Variants in MAPK6 observed in about 807,000 individuals in gnomAD.
MAPK6 encodes ERK-3.
In MAPK6, 19 loss-of-function variants were observed where a neutral mutation model predicts 59.3. The ratio of observed to expected loss-of-function variants is 0.32; its 90% CI spans 0.22 to 0.47. MAPK6 has a LOEUF of 0.47. MAPK6 is among the 20% of genes least tolerant of loss of function. The pLI is 1.00. For synonymous variants in MAPK6, 316 were observed against 290.3 expected (o/e 1.09, Z -0.90); for missense variants, 724 against 847.9 (o/e 0.85, Z 1.81).
chr15:51,974,731 C>A (rs371324125), intron 1 of MAPK6, among the ~76,000 whole-genome samples: 13 of 150,544 alleles, frequency 8.6e-5, no homozygotes, highest in Non-Finnish European at 1.6e-4. Context: ...TTTTTCCCCC[C>A]CCGCAAGACA....
chr15:52,058,126 T>G (rs186648336), intron 3 of MAPK6, among the ~76,000 whole-genome samples: 10 of 151,350 alleles, frequency 6.6e-5, no homozygotes, highest in African/African-American at 2.5e-4. Flanking sequence ...ACCACCTATT[T>G]AGCCTAAAGT....
At chr15:52,049,351 ATTTTTTTTTT>A (rs60965378) in intron 2 of MAPK6, among the ~76,000 whole-genome samples, 1 of 109,736 alleles carries the variant, frequency 9.1e-6, no homozygotes, top group Non-Finnish European at 1.8e-5. Context: ...GAGTTATATA[ATTTTTTTTTT>A]TTTTTTTTTT....
intron 1 of MAPK6, among the ~76,000 whole-genome samples, chr15:52,029,922 A>G (rs2030963347): frequency 6.6e-6 from 1 of 152,192 alleles, no homozygotes; most frequent in Non-Finnish European, 1.5e-5. Context: ...CAGAAATGTA[A>G]ATGAAATAAT....
intron 1 of MAPK6, among the ~76,000 whole-genome samples, chr15:52,028,144 G>A (rs891684677): frequency 2.6e-5 from 4 of 151,942 alleles, no homozygotes; most frequent in Admixed American, 6.6e-5. Flanking sequence ...AGTAGAGACA[G>A]GGTTTCACCG....
chr15:52,050,721 T>C (rs1689422407), intron 3 of MAPK6, among the ~76,000 whole-genome samples: 1 of 152,230 alleles, frequency 6.6e-6, no homozygotes, highest in Non-Finnish European at 1.5e-5. Flanking sequence ...GAAGGCATTA[T>C]GGAGTCAAAC....
At position 52,066,273 on chromosome 15, in the gene MAPK6, T is replaced by C. The variant is rs1428184451; in HGVS notation, c.*1273T>C. 4 of 152,250 alleles carry C rather than the reference T, an allele frequency of 2.6e-5. No homozygotes were observed. The highest frequency in any genetic ancestry group is 2.6e-4 in the Admixed American group (4 of 15,280). The allele number at this position is 152,250 out of a possible 1,614,324, so 9.4% of individuals were successfully genotyped here. A position where few individuals can be genotyped will look rare whatever the true frequency, so the allele number is the denominator to read the frequency against. ...ACATGGCCAGCAAATACAGCTCCTGTTTCACTCTTGGGTTAATGAAAATTT... is the reference window on the plus strand; with the variant it reads ...ACATGGCCAGCAAATACAGCTCCTGCTTCACTCTTGGGTTAATGAAAATTT... On this transcript the variant is annotated 3_prime_UTR_variant, in exon 6 of 6. Transcript: ENST00000261845.
chr15:51,971,909 A>G (rs1004020549), intron 1 of MAPK6: 6 of 687,542 alleles, frequency 8.7e-6, no homozygotes, highest in African/African-American at 1.8e-5. Flanking sequence ...TCGCCTGGGT[A>G]TGCATGGTAT....
At chr15:52,018,447 ATGCTGACC>A (rs2030344625), upstream of MAPK6, among the ~76,000 whole-genome samples, 1 of 152,234 alleles carries the variant, frequency 6.6e-6, no homozygotes, top group Non-Finnish European at 1.5e-5. Flanking sequence ...TTGAAAAAAT[ATGCTGACC>A]TGCGTCTCTA....
At chr15:52,004,716 A>G (rs1415303132) in intron 3 of MAPK6, among the ~76,000 whole-genome samples, 3 of 152,178 alleles carry the variant, frequency 2.0e-5, no homozygotes, top group South Asian at 2.1e-4. Flanking sequence ...AGGGCAAGAC[A>G]TTGAACTTGA....
At chr15:51,978,219 G>A (rs1032563542) in intron 1 of MAPK6, among the ~76,000 whole-genome samples, 7 of 151,120 alleles carry the variant, frequency 4.6e-5, no homozygotes, top group Non-Finnish European at 7.4e-5. Flanking sequence ...TGCAGCCTCC[G>A]TCTCCTGGGT....
At chr15:52,043,957 G>A (rs940865137) in intron 1 of MAPK6, among the ~76,000 whole-genome samples, 5 of 151,628 alleles carry the variant, frequency 3.3e-5, no homozygotes, top group Non-Finnish European at 7.4e-5. Flanking sequence ...TGTATTTTTA[G>A]TAGAGACGGG....
intron 1 of MAPK6, among the ~76,000 whole-genome samples, chr15:51,976,823 A>G (rs1305262750): frequency 1.3e-5 from 2 of 151,584 alleles, no homozygotes; most frequent in African/African-American, 4.8e-5. Context: ...GCACTCCTGT[A>G]ATCTCAGCTA....
rs2057222577 is a variant in MAPK6, at chr15:51,995,852, CG to C, written c.-769-8410del. On this transcript the variant is annotated intron_variant, in intron 2 of 7. Coordinates refer to the MAPK6 transcript ENST00000691380. ...CTGAGGCAGGAGAATCGCTTAAACC[CG>C]GGAGGCAGAGGTGGCAGTGAGCTGA... Among the ~76,000 whole-genome samples, 4 of 152,010 alleles carry C rather than the reference CG, an allele frequency of 2.6e-5. 1 individual carries two copies. The South Asian group carries it at 8.3e-4, about 32-fold the overall frequency.
In MAPK6 at chr15:52,065,147, TTC is replaced by T. The variant is rs530362329; in HGVS notation, c.*149_*150del. On this transcript the variant is annotated 3_prime_UTR_variant, in exon 6 of 6. Coordinates refer to ENST00000261845, the MANE Select transcript of MAPK6 (RefSeq NM_002748.4). ...GTTCTTGTTTTTTAAAATCCAGACT[TTC>T]TTTTTCTACATGTGAGATAGTTTTC... The T allele has an allele frequency of 3.6e-4, 258 of 710,456 alleles. No individual in the cohort carries two copies. The African/African-American group carries it at 4.0e-3, about 11-fold the overall frequency. 44.0% of individuals were successfully genotyped at this position (710,456 alleles called of 1,614,324 possible).
chr15:51,991,938 C>T (rs116429303), intron 2 of MAPK6, among the ~76,000 whole-genome samples: 11 of 152,040 alleles, frequency 7.2e-5, no homozygotes, highest in East Asian at 5.8e-4. Flanking sequence ...GGAGAAAATT[C>T]GAGGCAACTA....
chr15:51,973,419 G>A (rs2057145351), intron 1 of MAPK6, among the ~76,000 whole-genome samples: 2 of 152,034 alleles, frequency 1.3e-5, no homozygotes, highest in South Asian at 4.1e-4. Flanking sequence ...ATAGCTCACT[G>A]CAGCCTCAAA....
intron 2 of MAPK6, among the ~76,000 whole-genome samples, chr15:51,988,892 CCTT>C (rs1220334978): frequency 6.6e-6 from 1 of 152,114 alleles, no homozygotes. Flanking sequence ...TTAATTGCCT[CCTT>C]CAGCCTCTGG....
At chr15:51,986,394 T>G (rs1488287805) in intron 2 of MAPK6, among the ~76,000 whole-genome samples, 1 of 152,130 alleles carries the variant, frequency 6.6e-6, no homozygotes, top group African/African-American at 2.4e-5. Flanking sequence ...TTTAAGTATA[T>G]GTATGTTCAT....
upstream of MAPK6, among the ~76,000 whole-genome samples, chr15:52,016,070 G>GCGCA: frequency 0.011 from 612 of 55,430 alleles, 8 homozygotes; most frequent in Non-Finnish European, 0.014. Flanking sequence ...GCGCGCGCGC[G>GCGCA]CACACACACA....
Sources: gnomAD v4.1 joint callset for allele counts (sites outside exome capture counted in the v4.1 genomes callset) on GRCh38, gnomAD v4.1.1 for gene constraint, MANE v1.5 for transcripts, NCBI Gene and HGNC (gene_info 2026-07-23, HGNC 2026-07-21) for gene names.